ANXA7: variants seen among roughly 807,000 people sequenced by gnomAD.
ANXA7 encodes annexin VII.
In ANXA7, 55 loss-of-function variants were observed where a neutral mutation model predicts 64.9. The ratio of observed to expected loss-of-function variants is 0.85; its 90% CI spans 0.68 to 1.06. The LOEUF (loss-of-function observed/expected upper bound fraction) is 1.06, where lower values mean the gene tolerates loss of function less well. Among genes scored for constraint, ANXA7 ranks in the 50% least tolerant of loss-of-function variants. ANXA7 has a pLI of 0.00. For synonymous variants in ANXA7, 200 were observed against 192.4 expected, an observed-to-expected ratio of 1.04 and a Z score of -0.33; for missense variants, 548 against 582.1, an observed-to-expected ratio of 0.94 and a Z score of 0.60.
At position 73,388,297 on chromosome 10, in the gene ANXA7, AT is replaced by A. The variant is rs1208113883; in HGVS notation, c.538+14del. On this transcript the variant is annotated intron_variant, in intron 6 of 12. Coordinates refer to ENST00000372921, the MANE Select transcript of ANXA7 (RefSeq NM_001156.5). The stretch of plus-strand genomic sequence containing the variant: ...CTTTAACTTATTAAAAAAGACAAAA[AT>A]TTGTTTTCCTTACCAAAACCCTTCA... 31 of 1,596,098 alleles carry A rather than the reference AT, an allele frequency of 1.9e-5. No individual in the cohort carries two copies. The highest frequency in any genetic ancestry group is 2.7e-5 in the Non-Finnish European group (31 of 1,164,108).
chr10:73,404,719 T>C (rs1010307154), intron 1 of ANXA7, among the ~76,000 whole-genome samples: 60 of 148,202 alleles, frequency 4.0e-4, no homozygotes, highest in Middle Eastern at 3.5e-3. Flanking sequence ...TATATATATA[T>C]ATATATATAT....
intron 1 of ANXA7, among the ~76,000 whole-genome samples, chr10:73,412,966 TGCAAATTTATGGGGGA>T (rs2132710170): frequency 6.6e-6 from 1 of 152,174 alleles, no homozygotes; most frequent in South Asian, 2.1e-4. Context: ...AGGCAGCTGT[TGCAAATTTATGGGGGA>T]AAAAATACAC....
chr10:73,377,237 G>C (rs564290562), intron 12 of ANXA7, among the ~76,000 whole-genome samples: 15 of 152,078 alleles, frequency 9.9e-5, no homozygotes, highest in Admixed American at 3.9e-4. Context: ...CCATATTCTG[G>C]TTGTTTTCTT....
At chr10:73,406,522 T>C (rs1220178145) in intron 1 of ANXA7, among the ~76,000 whole-genome samples, 3 of 152,246 alleles carry the variant, frequency 2.0e-5, no homozygotes, top group African/African-American at 7.2e-5. Context: ...AAATGAAAAT[T>C]AATTGGCCTG....
Position 73,383,187 on chromosome 10 carries a change from C to T in ANXA7, c.906G>A (p.Val302=). ...ATACTATACTCACCTGGCACATGGA[C>T]ACAAGTAAACGTTCAAAATGTCCTG... ...DTSGHFERLL[V]SMCQGNRDEN... Residue 302 remains valine (V), a synonymous_variant, in exon 9 of 13, where the codon GTG becomes GTA. Coordinates refer to ENST00000372921, the MANE Select transcript of ANXA7 (RefSeq NM_001156.5). The T allele has an allele frequency of 6.2e-7, 1 of 1,612,360 alleles. No homozygotes were observed. The highest frequency in any genetic ancestry group is 1.7e-5 in the Admixed American group (1 of 59,808).
In ANXA7 at chr10:73,400,800, T is replaced by C; in HGVS notation, c.54+3A>G. 1.2e-6 allele frequency: 2 copies of C among 1,604,018 alleles called. No homozygotes were observed. Among genetic ancestry groups the C allele is most frequent in the Non-Finnish European group, 1.7e-6 (2 of 1,174,254 alleles). On this transcript the variant is annotated splice_donor_region_variant and intron_variant, in intron 2 of 12. Transcript: ENST00000372921. Reference sequence around the variant, plus strand: ...ATGTGAGGTATTAAGTGGCAATACTTACAGGATATCCAGGGAAAGGTGGGT... The same window carrying C: ...ATGTGAGGTATTAAGTGGCAATACTCACAGGATATCCAGGGAAAGGTGGGT...
At chr10:73,381,623 C>T (rs1389726337) in intron 9 of ANXA7, 1 of 152,272 alleles carries the variant, frequency 6.6e-6, no homozygotes, top group South Asian at 2.1e-4. Context: ...GATTCACACA[C>T]ACTTTCTCAG....
intron 5 of ANXA7, among the ~76,000 whole-genome samples, chr10:73,391,770 C>A (rs1160822348): frequency 9.9e-5 from 15 of 152,148 alleles, no homozygotes; most frequent in Non-Finnish European, 8.8e-5. Context: ...CATCCATACT[C>A]AACATCAACC....
At chr10:73,412,556 C>A (rs1313318123) in intron 1 of ANXA7, among the ~76,000 whole-genome samples, 4 of 148,514 alleles carry the variant, frequency 2.7e-5, no homozygotes, top group African/African-American at 1.0e-4. Flanking sequence ...AGTGCAGTGG[C>A]GATCTTGGCT....
intron 12 of ANXA7, among the ~76,000 whole-genome samples, chr10:73,377,082 G>A (rs899086728): frequency 2.0e-5 from 3 of 152,152 alleles, no homozygotes; most frequent in African/African-American, 7.2e-5. Context: ...ATCTGAAGGT[G>A]AATGGTAATG....
At chr10:73,376,516 T>C (rs973099959) in intron 12 of ANXA7, among the ~76,000 whole-genome samples, 1 of 152,172 alleles carries the variant, frequency 6.6e-6, no homozygotes, top group African/African-American at 2.4e-5. Context: ...AAATAGTAAG[T>C]ATTGGCAAGG....
Position 73,383,673 on chromosome 10 carries a change from G to A in ANXA7, c.651C>T (p.Leu217=). The change falls in exon 8 of 13, where the codon CTC becomes CTT. Residue 217 remains leucine, a synonymous_variant. Coordinates refer to ENST00000372921, the MANE Select transcript of ANXA7 (RefSeq NM_001156.5). ...TSYGKDLIKD[L]KSELSGNMEE... is the part of the protein sequence containing the mutation. ...CCATATTTCCACTTAACTCTGATTT[G>A]AGATCTTTGATTAAATCCTATTTAA... 2.5e-6 allele frequency: 4 copies of A among 1,609,190 alleles called. No homozygotes were observed. The highest frequency in any genetic ancestry group is 4.5e-5 in the East Asian group (2 of 44,830).
At chr10:73,381,262 C>A (rs756689970) in intron 9 of ANXA7, among the ~76,000 whole-genome samples, 4 of 152,116 alleles carry the variant, frequency 2.6e-5, no homozygotes, top group Non-Finnish European at 5.9e-5. Flanking sequence ...AAAAATGACA[C>A]ATAAGCTTTA....
At position 73,380,166 on chromosome 10, in the gene ANXA7, T is replaced by C. The variant is rs1469966225; in HGVS notation, c.954A>G (p.Gln318=). Residue 318 remains glutamine, a synonymous_variant, in exon 10 of 13, where the codon CAA becomes CAG. Transcript: ENST00000372921. ...GACGCTGAGCATCTTCCTGAGCCAT[T>C]TGGTGGTTTATACTCTGGTTCTCAT... The part of the protein sequence containing the change: ...NRDENQSINH[Q]MAQEDAQRLY... 6.2e-7 allele frequency: 1 copy of C among 1,614,106 alleles called. No individual in the cohort carries two copies. Among genetic ancestry groups the C allele is most frequent in the African/African-American group, 1.3e-5 (1 of 75,036 alleles).
intron 1 of ANXA7, among the ~76,000 whole-genome samples, chr10:73,405,039 T>C (rs1035159412): frequency 1.3e-5 from 2 of 151,628 alleles, no homozygotes; most frequent in Non-Finnish European, 2.9e-5. Context: ...GTCAGGACAT[T>C]GAGGCCATCC....
At chr10:73,382,102 G>A (rs1330219298) in intron 9 of ANXA7, among the ~76,000 whole-genome samples, 1 of 152,074 alleles carries the variant, frequency 6.6e-6, no homozygotes, top group African/African-American at 2.4e-5. Flanking sequence ...TCAAACTCCT[G>A]ACCTCAGGTG....
intron 1 of ANXA7, among the ~76,000 whole-genome samples, chr10:73,406,974 T>C (rs1358658293): frequency 6.6e-6 from 1 of 152,236 alleles, no homozygotes; most frequent in Non-Finnish European, 1.5e-5. Context: ...GCCATTCTTA[T>C]CATTAACTGA....
At chr10:73,395,790 A>G (rs1460967791) in intron 5 of ANXA7, 3 of 505,570 alleles carry the variant, frequency 5.9e-6, no homozygotes, top group Non-Finnish European at 1.1e-5. Flanking sequence ...CCATCTCAAA[A>G]AAAAAAAAAA....
intron 5 of ANXA7, among the ~76,000 whole-genome samples, chr10:73,392,568 A>T (rs982274244): frequency 2.0e-5 from 3 of 152,242 alleles, no homozygotes; most frequent in African/African-American, 7.2e-5. Flanking sequence ...AGTAAATGTA[A>T]TCCAGCATAT....
Sources: gnomAD v4.1 joint callset for allele counts (sites outside exome capture counted in the v4.1 genomes callset) on GRCh38, gnomAD v4.1.1 for gene constraint, MANE v1.5 for transcripts, NCBI Gene and HGNC (gene_info 2026-07-23, HGNC 2026-07-21) for gene names.